Variants in THSD7B observed in about 807,000 individuals in gnomAD.
The protein encoded by THSD7B is thrombospondin type-1 domain-containing protein 7B.
Under a neutral mutation model 213.6 loss-of-function variants are expected in THSD7B, and 138 were observed. That is an observed-to-expected ratio of 0.65 (90% confidence interval 0.56 to 0.74). The LOEUF (loss-of-function observed/expected upper bound fraction) is 0.74. Ranked by LOEUF, THSD7B falls within the 30% of genes least tolerant of loss-of-function variation. The pLI, the probability that THSD7B is intolerant of heterozygous loss-of-function variation, is 0.00. For synonymous variants in THSD7B, 742 were observed against 687.0 expected, an observed-to-expected ratio of 1.08 and a Z score of -1.25; for missense variants, 1,931 against 1,991.5, an observed-to-expected ratio of 0.97 and a Z score of 0.58.
intron 12 of THSD7B, among the ~76,000 whole-genome samples, chr2:137,302,224 T>C (rs559067936): frequency 7.3e-4 from 111 of 152,102 alleles, no homozygotes; most frequent in Non-Finnish European, 1.2e-3. Flanking sequence ...AGGGATTGTA[T>C]GTAACTAGGG....
intron 12 of THSD7B, among the ~76,000 whole-genome samples, chr2:137,330,313 C>T (rs939403409): frequency 6.6e-6 from 1 of 152,172 alleles, no homozygotes; most frequent in African/African-American, 2.4e-5. Context: ...CACCATCCTC[C>T]AGACCCCAGA....
At chr2:137,010,255 A>G (rs1200504982) in intron 2 of THSD7B, among the ~76,000 whole-genome samples, 1 of 152,246 alleles carries the variant, frequency 6.6e-6, no homozygotes, top group Non-Finnish European at 1.5e-5. Flanking sequence ...CACAGTGAAG[A>G]TAAGGCTGCT....
At chr2:136,947,105 C>T (rs911305993) in intron 2 of THSD7B, among the ~76,000 whole-genome samples, 5 of 152,050 alleles carry the variant, frequency 3.3e-5, no homozygotes, top group African/African-American at 7.2e-5. Flanking sequence ...TGTTCCTATT[C>T]GGCCATCTTG....
At chr2:137,064,884 T>C (rs954264578) in intron 3 of THSD7B, among the ~76,000 whole-genome samples, 37 of 152,158 alleles carry the variant, frequency 2.4e-4, no homozygotes, top group Admixed American at 1.9e-3. Flanking sequence ...TTTATGGCAG[T>C]ACCATACTGT....
At chr2:137,318,096 C>G (rs772628584) in intron 12 of THSD7B, among the ~76,000 whole-genome samples, 1 of 152,224 alleles carries the variant, frequency 6.6e-6, no homozygotes, top group East Asian at 1.9e-4. Flanking sequence ...AAATCTAACT[C>G]AAATTAGGCT....
intron 10 of THSD7B, among the ~76,000 whole-genome samples, chr2:137,264,405 A>G (rs1432708632): frequency 6.6e-6 from 1 of 152,006 alleles, no homozygotes; most frequent in Non-Finnish European, 1.5e-5. Flanking sequence ...GGCACCCGCC[A>G]CCATGCCTAA....
chr2:137,146,055 A>G (rs1679695408), intron 5 of THSD7B, among the ~76,000 whole-genome samples: 1 of 152,050 alleles, frequency 6.6e-6, no homozygotes, highest in South Asian at 2.1e-4. Flanking sequence ...GGCATATACA[A>G]CTTAAGACAA....
At chr2:137,607,998 T>A (rs78812940) in intron 17 of THSD7B, among the ~76,000 whole-genome samples, 4,000 of 152,294 alleles carry the variant, frequency 0.026, 87 homozygotes, top group South Asian at 0.068. Context: ...TTACCAGGAA[T>A]GTTTTATCAT....
At chr2:137,384,901 C>A (rs1441673500) in intron 12 of THSD7B, among the ~76,000 whole-genome samples, 1 of 152,098 alleles carries the variant, frequency 6.6e-6, no homozygotes, top group Non-Finnish European at 1.5e-5. Flanking sequence ...AACTGGTTCA[C>A]CCCAACAGGT....
At chr2:137,590,992 A>G (rs772072218) in intron 17 of THSD7B, among the ~76,000 whole-genome samples, 62 of 150,408 alleles carry the variant, frequency 4.1e-4, no homozygotes, top group Admixed American at 6.6e-4. Flanking sequence ...TTTATTTTTT[A>G]TTTTTTCTGA....
chr2:137,208,450 C>T (rs547045936), intron 7 of THSD7B, among the ~76,000 whole-genome samples: 17 of 151,972 alleles, frequency 1.1e-4, no homozygotes, highest in South Asian at 8.3e-4. Flanking sequence ...TTTATTTTGT[C>T]GTGCTTTAAG....
chr2:136,933,106 C>CCCTT (rs1409957040), intron 2 of THSD7B, among the ~76,000 whole-genome samples: 25 of 98,978 alleles, frequency 2.5e-4, no homozygotes, highest in African/African-American at 9.3e-4. Flanking sequence ...ATTTTGCCCG[C>CCCTT]CATTCCTTCC....
At chr2:137,635,686 AAGC>A (rs1363619892) in intron 20 of THSD7B, among the ~76,000 whole-genome samples, 1 of 152,128 alleles carries the variant, frequency 6.6e-6, no homozygotes, top group Non-Finnish European at 1.5e-5. Flanking sequence ...AGAAAAATAA[AAGC>A]AGTTACCATA....
At chr2:137,146,350 C>A (rs1232982646) in intron 5 of THSD7B, among the ~76,000 whole-genome samples, 3 of 152,008 alleles carry the variant, frequency 2.0e-5, no homozygotes, top group Non-Finnish European at 4.4e-5. Context: ...CACAACAAAG[C>A]CGAGTTTCAA....
intron 14 of THSD7B, among the ~76,000 whole-genome samples, chr2:137,427,960 A>AT (rs2105035406): frequency 6.6e-6 from 1 of 152,282 alleles, no homozygotes; most frequent in Admixed American, 6.5e-5. Flanking sequence ...AGCATATACA[A>AT]TTTTTATTTG....
At chr2:137,620,087 G>A (rs1469039168) in intron 19 of THSD7B, among the ~76,000 whole-genome samples, 1 of 151,922 alleles carries the variant, frequency 6.6e-6, no homozygotes, top group Non-Finnish European at 1.5e-5. Context: ...GAGAGGACAA[G>A]AAAAAAAATA....
At chr2:137,384,944 G>C (rs1231833598) in intron 12 of THSD7B, among the ~76,000 whole-genome samples, 1 of 152,100 alleles carries the variant, frequency 6.6e-6, no homozygotes, top group African/African-American at 2.4e-5. Flanking sequence ...CACCTGACCA[G>C]GCTGAGAGAA....
chr2:137,428,402 G>A (rs1440386475), intron 14 of THSD7B, among the ~76,000 whole-genome samples: 8 of 152,024 alleles, frequency 5.3e-5, no homozygotes, highest in Admixed American at 4.6e-4. Flanking sequence ...TTCTCACAAA[G>A]ATAAACATAG....
intron 2 of THSD7B, among the ~76,000 whole-genome samples, chr2:136,971,613 A>C (rs576379): frequency 0.98 from 145,139 of 148,592 alleles, 70,985 homozygotes; most frequent in Middle Eastern, 1. Flanking sequence ...ACACAAATAC[A>C]AAGTCACTGG....
Sources: allele counts gnomAD v4.1 joint callset (sites outside exome capture counted in the v4.1 genomes callset), GRCh38; gene constraint gnomAD v4.1.1; transcripts MANE v1.5; gene names NCBI Gene and HGNC (gene_info 2026-07-23, HGNC 2026-07-21).